COP1: variants seen among roughly 807,000 people sequenced by gnomAD.
COP1 encodes E3 ubiquitin-protein ligase COP1.
Under a neutral mutation model 101.3 loss-of-function variants are expected in COP1, and 24 were observed. The observed-to-expected ratio is 0.24, with a 90% CI of 0.17 to 0.33. The LOEUF is 0.33. Among genes scored for constraint, COP1 ranks in the 10% least tolerant of loss-of-function variants. The pLI is 1.00. For synonymous variants in COP1, 347 were observed against 341.9 expected, an observed-to-expected ratio of 1.01 and a Z score of -0.17; for missense variants, 663 against 906.2, an observed-to-expected ratio of 0.73 and a Z score of 3.45.
intron 18 of COP1, among the ~76,000 whole-genome samples, chr1:175,973,116 A>C (rs1425540831): frequency 6.6e-6 from 1 of 152,168 alleles, no homozygotes; most frequent in African/African-American, 2.4e-5. Context: ...ACAGGCGTGA[A>C]CCACCCCATC....
intron 14 of COP1, among the ~76,000 whole-genome samples, chr1:176,038,300 A>T (rs959179412): frequency 6.6e-6 from 1 of 152,244 alleles, no homozygotes; most frequent in Non-Finnish European, 1.5e-5. Flanking sequence ...GACTCAGTAT[A>T]TTAAGATTTT....
chr1:176,184,232 A>T (rs1187972343), intron 2 of COP1, among the ~76,000 whole-genome samples: 2 of 152,184 alleles, frequency 1.3e-5, no homozygotes, highest in Non-Finnish European at 2.9e-5. Context: ...AAGAACACAG[A>T]ACTTTTTAAT....
chr1:176,049,261 C>T (rs1325669053), intron 11 of COP1, among the ~76,000 whole-genome samples: 1 of 150,268 alleles, frequency 6.7e-6, no homozygotes, highest in Non-Finnish European at 1.5e-5. Context: ...TCCTGTTATT[C>T]AAGACAGCTC....
intron 15 of COP1, among the ~76,000 whole-genome samples, chr1:175,999,291 A>T (rs1661034767): frequency 6.6e-6 from 1 of 151,640 alleles, no homozygotes; most frequent in African/African-American, 2.4e-5. Context: ...CCATCCTTCT[A>T]CTCTCTATGT....
intron 9 of COP1, among the ~76,000 whole-genome samples, chr1:176,109,391 T>G (rs765301680): frequency 6.6e-6 from 1 of 152,184 alleles, no homozygotes; most frequent in South Asian, 2.1e-4. Flanking sequence ...AATCTCTCCT[T>G]TCACCACTGA....
At chr1:176,095,684 A>G (rs1028365075) in intron 9 of COP1, among the ~76,000 whole-genome samples, 1 of 151,924 alleles carries the variant, frequency 6.6e-6, no homozygotes. Context: ...GTCTCAGAAA[A>G]AAAAAAAAAA....
chr1:175,984,443 C>T (rs1010924532), intron 18 of COP1, among the ~76,000 whole-genome samples: 11 of 152,178 alleles, frequency 7.2e-5, no homozygotes, highest in African/African-American at 1.7e-4. Flanking sequence ...TGTATGGAAA[C>T]GCCTGGCTAT....
intron 3 of COP1, among the ~76,000 whole-genome samples, chr1:176,172,132 T>C (rs1324731778): frequency 6.6e-6 from 1 of 152,150 alleles, no homozygotes; most frequent in Non-Finnish European, 1.5e-5. Context: ...CACTGCAGCT[T>C]CAAAATCCTC....
intron 1 of COP1, among the ~76,000 whole-genome samples, chr1:176,194,668 T>G (rs998104034): frequency 6.6e-6 from 1 of 151,486 alleles, no homozygotes; most frequent in Non-Finnish European, 1.5e-5. Context: ...CAGATTGTCA[T>G]ACTAAATAAA....
intron 5 of COP1, among the ~76,000 whole-genome samples, chr1:176,161,357 G>C (rs902182609): frequency 6.6e-6 from 1 of 152,186 alleles, no homozygotes; most frequent in Non-Finnish European, 1.5e-5. Context: ...GGGAGGCTGA[G>C]GTGGGAGGAT....
At chr1:175,973,199 A>G (rs1653704708) in intron 18 of COP1, among the ~76,000 whole-genome samples, 1 of 152,218 alleles carries the variant, frequency 6.6e-6, no homozygotes, top group Non-Finnish European at 1.5e-5. Flanking sequence ...AAAAGATACT[A>G]TAATCAGTAC....
intron 3 of COP1, among the ~76,000 whole-genome samples, chr1:176,165,137 A>T (rs1276323485): frequency 6.6e-6 from 1 of 152,216 alleles, no homozygotes; most frequent in Non-Finnish European, 1.5e-5. Flanking sequence ...TCAGACTAGC[A>T]AGACAGATGC....
chr1:176,056,024 C>G (rs949803436), intron 11 of COP1, among the ~76,000 whole-genome samples: 22 of 152,016 alleles, frequency 1.4e-4, no homozygotes, highest in African/African-American at 5.3e-4. Context: ...AGTTCTGATA[C>G]ACAGAAATTT....
At chr1:176,175,482 T>C (rs559131160) in intron 3 of COP1, among the ~76,000 whole-genome samples, 1 of 152,308 alleles carries the variant, frequency 6.6e-6, no homozygotes, top group African/African-American at 2.4e-5. Flanking sequence ...ATAAGGAGCG[T>C]GCAACTTAGA....
chr1:176,206,365 C>A, intron 1 of COP1: 1 of 574,400 alleles, frequency 1.7e-6, no homozygotes. Context: ...ATTATCCCCA[C>A]CCTGCCTCGC....
chr1:176,009,880 G>C (rs573386099), intron 15 of COP1, among the ~76,000 whole-genome samples: 14 of 77,428 alleles, frequency 1.8e-4, no homozygotes, highest in Non-Finnish European at 4.0e-4. Flanking sequence ...GGTTACTTGG[G>C]GGGGGGGGGT....
intron 15 of COP1, among the ~76,000 whole-genome samples, chr1:175,994,690 G>A (rs1659628221): frequency 6.6e-6 from 1 of 152,210 alleles, no homozygotes; most frequent in Non-Finnish European, 1.5e-5. Flanking sequence ...AACAAGAAGA[G>A]CTAACTATGC....
At chr1:175,995,808 T>C (rs1659993848) in intron 15 of COP1, among the ~76,000 whole-genome samples, 1 of 152,222 alleles carries the variant, frequency 6.6e-6, no homozygotes, top group Non-Finnish European at 1.5e-5. Flanking sequence ...AGCCGAATTC[T>C]ACCAGAGGTA....
chr1:175,963,907 A>C (rs972472372), intron 18 of COP1, among the ~76,000 whole-genome samples: 1 of 152,186 alleles, frequency 6.6e-6, no homozygotes. Context: ...TGCAGAGAAT[A>C]TATTTTCATA....
Sources: gnomAD v4.1 joint callset for allele counts (sites outside exome capture counted in the v4.1 genomes callset) on GRCh38, gnomAD v4.1.1 for gene constraint, MANE v1.5 for transcripts, NCBI Gene and HGNC (gene_info 2026-07-23, HGNC 2026-07-21) for gene names.